Variants in P2RX7 observed in about 807,000 individuals in gnomAD.
The protein encoded by P2RX7 is P2X purinoceptor 7.
In P2RX7, 62 loss-of-function variants were observed where a neutral mutation model predicts 71.6. That is an observed-to-expected ratio of 0.87 (90% CI 0.71 to 1.07). The LOEUF (loss-of-function observed/expected upper bound fraction) is 1.07. Among genes scored for constraint, P2RX7 ranks in the 50% least tolerant of loss-of-function variants. The probability of loss-of-function intolerance (pLI) is 0.00; values close to 1 mark genes in which losing one functional copy is unlikely to be tolerated. For missense variants in P2RX7, 686 were observed against 748.5 expected (o/e 0.92, Z 0.97); for synonymous variants, 299 against 283.3 (o/e 1.06, Z -0.56).
rs1883343678 is a variant in P2RX7, at chr12:121,177,419, G to A, written c.1161G>A (p.Lys387=). The part of the protein sequence containing the change: ...CVVNEYYYRK[K]CESIVEPKPT... ...TCAACGAATACTACTACAGGAAGAAGTGCGAGTCCATTGTGGAGCCAAAGC... is the reference window on the plus strand; with the variant it reads ...TCAACGAATACTACTACAGGAAGAAATGCGAGTCCATTGTGGAGCCAAAGC... The change falls in exon 11 of 13, where the codon AAG becomes AAA. Residue 387 remains lysine, a synonymous_variant. Transcript: ENST00000328963. 2 of 1,613,574 alleles carry A rather than the reference G, an allele frequency of 1.2e-6. No homozygotes were observed. Among genetic ancestry groups the A allele is most frequent in the African/African-American group, 2.7e-5 (2 of 75,034 alleles).
chr12:121,179,198 C>T (rs952963014), intron 11 of P2RX7, among the ~76,000 whole-genome samples: 1 of 152,022 alleles, frequency 6.6e-6, no homozygotes, highest in Non-Finnish European at 1.5e-5. Flanking sequence ...ATCTCTGGTA[C>T]CTAAAAACAA....
chr12:121,139,474 G>A (rs1395827201), intron 1 of P2RX7, among the ~76,000 whole-genome samples: 2 of 152,156 alleles, frequency 1.3e-5, no homozygotes, highest in African/African-American at 2.4e-5. Context: ...CTCCACTGGC[G>A]CCAACATGAG....
At chr12:121,140,077 A>C (rs1874527703) in intron 1 of P2RX7, among the ~76,000 whole-genome samples, 1 of 152,208 alleles carries the variant, frequency 6.6e-6, no homozygotes, top group Non-Finnish European at 1.5e-5. Context: ...GGTCTGCCAC[A>C]TTCTCATCCC....
chr12:121,181,055 A>C (rs1884072860), intron 12 of P2RX7, among the ~76,000 whole-genome samples: 1 of 152,154 alleles, frequency 6.6e-6, no homozygotes, highest in South Asian at 2.1e-4. Context: ...CTCCCACCTC[A>C]GCTGTACCAA....
At chr12:121,136,023 A>AAAAAAAAAAAAAAAT in intron 1 of P2RX7, among the ~76,000 whole-genome samples, 1 of 15,256 alleles carries the variant, frequency 6.6e-5, no homozygotes, top group Admixed American at 1.7e-3. Context: ...AAAAAAAAAA[A>AAAAAAAAAAAAAAAT]ATATATATAT....
At position 121,136,438 on chromosome 12, in the gene P2RX7, C is replaced by G. The variant is rs548529288; in HGVS notation, c.125+3343C>G. Among the ~76,000 whole-genome samples the G allele has an allele frequency of 5.9e-5, 9 of 151,936 alleles. No individual in the cohort carries two copies. The South Asian group carries it at 1.9e-3, about 32-fold the overall frequency. ...GGCTCAAGTGATCCTCCCGCCTCAT[C>G]CTCCCAAGTAGCTGGGACCATAGGC... On this transcript the variant is annotated intron_variant, in intron 1 of 12. Coordinates refer to ENST00000328963, the MANE Select transcript of P2RX7 (RefSeq NM_002562.6).
At chr12:121,138,804 G>T (rs1188782104) in intron 1 of P2RX7, among the ~76,000 whole-genome samples, 1 of 152,212 alleles carries the variant, frequency 6.6e-6, no homozygotes, top group Non-Finnish European at 1.5e-5. Context: ...CCCACCAGGA[G>T]CCCTGCTCCT....
At chr12:121,168,728 C>T (rs1881617012) in intron 8 of P2RX7, among the ~76,000 whole-genome samples, 1 of 152,204 alleles carries the variant, frequency 6.6e-6, no homozygotes, top group Non-Finnish European at 1.5e-5. Flanking sequence ...TGACCCCACA[C>T]TCACACTCCA....
chr12:121,183,429 G>T (rs548511607), intron 12 of P2RX7, among the ~76,000 whole-genome samples: 1 of 150,242 alleles, frequency 6.7e-6, no homozygotes, highest in African/African-American at 2.4e-5. Flanking sequence ...AAATTAGCCG[G>T]GTGTGGTGGT....
chr12:121,168,714 A>T (rs1267826472), intron 8 of P2RX7, among the ~76,000 whole-genome samples: 2 of 151,926 alleles, frequency 1.3e-5, no homozygotes, highest in Admixed American at 1.3e-4. Flanking sequence ...AACCCACGTC[A>T]CTCTGACCCC....
intron 2 of P2RX7, among the ~76,000 whole-genome samples, chr12:121,155,868 C>G (rs1262992615): frequency 6.6e-6 from 1 of 152,162 alleles, no homozygotes; most frequent in Non-Finnish European, 1.5e-5. Flanking sequence ...ACTCTTCAAC[C>G]CATTCAAACG....
intron 1 of P2RX7, among the ~76,000 whole-genome samples, chr12:121,136,023 A>AAAAAAAAAAAAAAAAATAAATAT: frequency 6.6e-5 from 1 of 15,256 alleles, no homozygotes; most frequent in Non-Finnish European, 1.8e-4. Flanking sequence ...AAAAAAAAAA[A>AAAAAAAAAAAAAAAAATAAATAT]ATATATATAT....
chr12:121,181,005 C>CGAG (rs1463900124), intron 12 of P2RX7, among the ~76,000 whole-genome samples: 1 of 151,824 alleles, frequency 6.6e-6, no homozygotes, highest in East Asian at 1.9e-4. Flanking sequence ...AAATTACAAA[C>CGAG]GAGGTCTCAC....
At chr12:121,160,271 C>G (rs150466181) in intron 3 of P2RX7, among the ~76,000 whole-genome samples, 4 of 152,118 alleles carry the variant, frequency 2.6e-5, no homozygotes, top group South Asian at 2.1e-4. Context: ...CCTCAGCCCC[C>G]CTAGTAGCTG....
intron 2 of P2RX7, 129 bp downstream of exon 2, chr12:121,155,082 A>T: frequency 6.7e-7 from 1 of 1,489,548 alleles, no homozygotes; most frequent in Non-Finnish European, 9.0e-7. Flanking sequence ...CTCTGTGAAC[A>T]TCCCAACTGA....
intron 1 of P2RX7, among the ~76,000 whole-genome samples, chr12:121,152,931 C>T (rs1327801457): frequency 6.6e-6 from 1 of 152,234 alleles, no homozygotes. Context: ...ACATTCTTGT[C>T]CATAGCTCCT....
Position 121,175,452 on chromosome 12 carries a change from C to A in P2RX7, c.946C>A (p.Arg316Ser). 6.5e-7 allele frequency: 1 copy of A among 1,549,002 alleles called. No homozygotes were observed. Among genetic ancestry groups the A allele is most frequent in the Non-Finnish European group, 8.9e-7 (1 of 1,120,732 alleles). ...KRTLIKVFGI[R>S]FDILVFGTGG... ...GACTCTGATAAAAGTCTTCGGGATCCGTTTTGACATCCTGGTTTTTGGCAC... is the reference window on the plus strand; with the variant it reads ...GACTCTGATAAAAGTCTTCGGGATCAGTTTTGACATCCTGGTTTTTGGCAC... The change falls in exon 9 of 13, where the codon CGT (arginine) becomes AGT (serine). Residue 316 changes from arginine to serine, a missense_variant. Coordinates refer to ENST00000328963, the MANE Select transcript of P2RX7 (RefSeq NM_002562.6).
At chr12:121,181,006 G>A (rs1166881840) in intron 12 of P2RX7, among the ~76,000 whole-genome samples, 3 of 151,424 alleles carry the variant, frequency 2.0e-5, no homozygotes, top group African/African-American at 4.9e-5. Context: ...AATTACAAAC[G>A]AGGTCTCACT....
intron 8 of P2RX7, 143 bp downstream of exon 8, chr12:121,167,767 A>T: frequency 1.5e-6 from 1 of 646,932 alleles, no homozygotes; most frequent in Non-Finnish European, 2.4e-6. Context: ...AATTTTTTCC[A>T]TAATTTTTTA....
Sources: gnomAD v4.1 joint callset for allele counts (sites outside exome capture counted in the v4.1 genomes callset) on GRCh38, gnomAD v4.1.1 for gene constraint, MANE v1.5 for transcripts, NCBI Gene and HGNC (gene_info 2026-07-23, HGNC 2026-07-21) for gene names.